The following SCIN variants were observed in gnomAD, a reference collection of about 807,000 sequenced individuals.
SCIN encodes scinderin, also known as adseverin.
In SCIN, 91 loss-of-function variants were observed where a neutral mutation model predicts 91.8. That is an observed-to-expected ratio of 0.99 (90% CI 0.84 to 1.18). The LOEUF (loss-of-function observed/expected upper bound fraction) is 1.18. Ranked by LOEUF, SCIN falls within the 50% of genes most tolerant of loss-of-function variation. The pLI is 0.00. For synonymous variants in SCIN, 367 were observed against 312.6 expected, an observed-to-expected ratio of 1.17 and a Z score of -1.84; for missense variants, 1,087 against 863.9, an observed-to-expected ratio of 1.26 and a Z score of -3.24.
At chr7:12,613,119 T>A (rs1215297935) in intron 4 of SCIN, among the ~76,000 whole-genome samples, 6 of 152,192 alleles carry the variant, frequency 3.9e-5, no homozygotes, top group Non-Finnish European at 8.8e-5. Flanking sequence ...TCTGAACTGA[T>A]AAGCTAATAT....
rs1784164186 is a variant in SCIN at position 12,656,483 on chromosome 7, G to C, written c.*3768G>C. ...ATTTTAAACCTAATTCATTTGAACT[G>C]AACTTGAATTTAAAAGCCTACAAAT... On this transcript the variant is annotated 3_prime_UTR_variant, in exon 16 of 16. Coordinates refer to ENST00000297029, the MANE Select transcript of SCIN (RefSeq NM_001112706.3). The C allele has an allele frequency of 6.6e-6, 1 of 151,934 alleles. No individual in the cohort carries two copies. Among genetic ancestry groups the C allele is most frequent in the South Asian group, 2.1e-4 (1 of 4,794 alleles). The allele number at this position is 151,934 out of a possible 1,614,324, so 9.4% of individuals were successfully genotyped here. A position where few individuals can be genotyped will look rare whatever the true frequency, so the allele number is the denominator to read the frequency against.
At chr7:12,626,067 A>G (rs938498758) in intron 7 of SCIN, 1 of 492,110 alleles carries the variant, frequency 2.0e-6, no homozygotes, top group Non-Finnish European at 3.6e-6. Context: ...AGAGCTGCCC[A>G]TTCACTTCCT....
intron 10 of SCIN, among the ~76,000 whole-genome samples, chr7:12,637,514 G>C (rs1459793543): frequency 1.3e-5 from 2 of 151,544 alleles, no homozygotes; most frequent in African/African-American, 2.4e-5. Context: ...AGGGATAGGA[G>C]GAGAGGAGAG....
At chr7:12,577,631 T>C in intron 1 of SCIN, 1 of 456,034 alleles carries the variant, frequency 2.2e-6, no homozygotes, top group Non-Finnish European at 4.4e-6. Context: ...GCCAGAGGAC[T>C]GCTTGAGGCC....
At position 12,627,091 on chromosome 7, in the gene SCIN, T is replaced by C. The variant is rs200664281; in HGVS notation, c.1197+292T>C. Among the ~76,000 whole-genome samples, 698 of 149,246 alleles carry C rather than the reference T, an allele frequency of 4.7e-3. 6 individuals carry two copies. Among genetic ancestry groups the C allele is most frequent in the African/African-American group, 0.016 (668 of 40,776 alleles). ...GGTGACAGAGTGAGAAATGTGTGTA[T>C]ACACACACACACACACACACACATA... is the stretch of plus-strand genomic sequence containing the variant. On this transcript the variant is annotated intron_variant, in intron 8 of 15. Coordinates refer to ENST00000297029, the MANE Select transcript of SCIN (RefSeq NM_001112706.3).
intron 1 of SCIN, chr7:12,577,705 A>G (rs1003570147): frequency 4.9e-6 from 2 of 412,244 alleles, no homozygotes; most frequent in Non-Finnish European, 9.4e-6. Flanking sequence ...CTTTTTTGAG[A>G]ATTAGCAAAG....
rs543247545 is a variant in SCIN, at chr7:12,580,013, T to C, written c.355-1047T>C. On this transcript the variant is annotated intron_variant, in intron 2 of 15. Coordinates refer to ENST00000297029, the MANE Select transcript of SCIN (RefSeq NM_001112706.3). ...TAGCAGTCGTTGTAAAATTATGGAC[T>C]GGGAAATCATTTTATATTTTTTTTT... 6.6e-5 allele frequency among the ~76,000 whole-genome samples: 10 copies of C among 152,266 alleles called. No individual in the cohort carries two copies. In the East Asian group the frequency reaches 1.7e-3, roughly 26 times the overall value.
chr7:12,632,931 A>C (rs1417660367), intron 9 of SCIN, among the ~76,000 whole-genome samples: 2 of 152,228 alleles, frequency 1.3e-5, no homozygotes, highest in Non-Finnish European at 2.9e-5. Context: ...TAAGTTAGAT[A>C]CTTCAGAGTC....
At chr7:12,604,289 G>A (rs1783025627) in intron 3 of SCIN, among the ~76,000 whole-genome samples, 1 of 152,012 alleles carries the variant, frequency 6.6e-6, no homozygotes, top group Non-Finnish European at 1.5e-5. Context: ...TATACACAGA[G>A]AATGGTGATA....
chr7:12,611,943 G>A (rs1783200924), intron 4 of SCIN, among the ~76,000 whole-genome samples: 1 of 148,536 alleles, frequency 6.7e-6, no homozygotes, highest in Non-Finnish European at 1.5e-5. Context: ...AAAAAAAAAA[G>A]ATTAAGGTTG....
chr7:12,576,944 A>C (rs1256060524), intron 1 of SCIN, among the ~76,000 whole-genome samples: 1 of 152,152 alleles, frequency 6.6e-6, no homozygotes, highest in African/African-American at 2.4e-5. Flanking sequence ...TACAGCTTGG[A>C]TGTAGTAAAG....
At position 12,654,811 on chromosome 7, in the gene SCIN, C is replaced by T. The variant is rs62448339; in HGVS notation, c.*2096C>T. 33,796 of 152,016 alleles carry T rather than the reference C, an allele frequency of 0.22. 3,872 individuals are homozygous for T. Among genetic ancestry groups the T allele is most frequent in the Middle Eastern group, 0.24 (72 of 294 alleles). 9.4% of individuals were successfully genotyped at this position (152,016 alleles called of 1,614,324 possible). A position where few individuals can be genotyped will look rare whatever the true frequency, so the allele number is the denominator to read the frequency against. On this transcript the variant is annotated 3_prime_UTR_variant, in exon 16 of 16. Coordinates refer to ENST00000297029, the MANE Select transcript of SCIN (RefSeq NM_001112706.3). ...TGAGATCAGCAGCAAGATGATAAGG[C>T]AGAATAAAAGTTGCTGAGAGCCTAA...
chr7:12,644,381 T>A, intron 12 of SCIN, 66 bp downstream of exon 12: 1 of 1,506,576 alleles, frequency 6.6e-7, no homozygotes, highest in Non-Finnish European at 8.9e-7. Context: ...ATCATCTTTT[T>A]TTCACCAAAA....
intron 13 of SCIN, 100 bp downstream of exon 13, chr7:12,644,805 C>CA (rs2115298826): frequency 1.0e-5 from 12 of 1,204,966 alleles, no homozygotes; most frequent in African/African-American, 9.5e-5. Context: ...CACCTGAGGT[C>CA]AGGAGTTCGA....
At chr7:12,603,103 A>G (rs891538748) in intron 3 of SCIN, among the ~76,000 whole-genome samples, 1 of 152,066 alleles carries the variant, frequency 6.6e-6, no homozygotes, top group African/African-American at 2.4e-5. Context: ...ATATTTCTGT[A>G]GTATAGATTC....
At chr7:12,620,053 T>C (rs537567294) in intron 4 of SCIN, among the ~76,000 whole-genome samples, 79 of 152,164 alleles carry the variant, frequency 5.2e-4, no homozygotes, top group African/African-American at 1.8e-3. Flanking sequence ...TTTGTACATA[T>C]ATATCTATCA....
chr7:12,625,431 C>CTT (rs10656602), intron 6 of SCIN, among the ~76,000 whole-genome samples: 41,059 of 97,466 alleles, frequency 0.42, 10,170 homozygotes, highest in South Asian at 0.49. Flanking sequence ...TTTTGCTATT[C>CTT]TTTTTTTTTT....
intron 1 of SCIN, 94 bp downstream of exon 1, chr7:12,571,079 A>G (rs930759188): frequency 3.1e-5 from 41 of 1,325,984 alleles, no homozygotes; most frequent in South Asian, 2.0e-4. Context: ...AGTAAAGGGG[A>G]CCGCAAACTG....
rs35421630 is a variant in SCIN at position 12,604,724 on chromosome 7, G to GTC, written c.666+62_666+63insCT. 5 of 1,072,784 alleles carry GTC rather than the reference G, an allele frequency of 4.7e-6. No homozygotes were observed. In the African/African-American group the frequency reaches 1.5e-4, roughly 33 times the overall value. 66.5% of individuals were successfully genotyped at this position (1,072,784 alleles called of 1,614,324 possible). A position where few individuals can be genotyped will look rare whatever the true frequency, so the allele number is the denominator to read the frequency against. On this transcript the variant is annotated intron_variant, in intron 4 of 15. Coordinates refer to ENST00000297029, the MANE Select transcript of SCIN (RefSeq NM_001112706.3). ...ACTCCAACTCGTATGTGTCTGTGTG[G>GTC]TGTGTGTGTGTGTGTAAGGCAGCAG...
Sources: gnomAD v4.1 joint callset for allele counts (sites outside exome capture counted in the v4.1 genomes callset) on GRCh38, gnomAD v4.1.1 for gene constraint, MANE v1.5 for transcripts, NCBI Gene and HGNC (gene_info 2026-07-23, HGNC 2026-07-21) for gene names.